Variants in ENTREP2 observed in about 807,000 individuals in gnomAD.
ENTREP2 encodes protein ENTREP2.
At chr15:29,476,373 A>C in the ENTREP2 span, among the ~76,000 whole-genome samples, 1 of 152,362 alleles carries the variant, frequency 6.6e-6, no homozygotes, top group South Asian at 2.1e-4. Context: ...GGAAGCCATT[A>C]GCTGACCCTT....
At chr15:29,647,936 G>A in the ENTREP2 span, among the ~76,000 whole-genome samples, 1 of 152,168 alleles carries the variant, frequency 6.6e-6, no homozygotes, top group Non-Finnish European at 1.5e-5. Flanking sequence ...AAACTTAAGA[G>A]GTATGAAAAG....
the ENTREP2 span, among the ~76,000 whole-genome samples, chr15:29,608,871 C>T: frequency 2.1e-3 from 320 of 152,190 alleles, no homozygotes; most frequent in Non-Finnish European, 3.3e-3. Context: ...CTGGCCTCCT[C>T]CTGCCTTCTT....
At chr15:29,510,209 A>G in the ENTREP2 span, among the ~76,000 whole-genome samples, 1 of 152,232 alleles carries the variant, frequency 6.6e-6, no homozygotes, top group Non-Finnish European at 1.5e-5. Context: ...ATGCCATCTC[A>G]TGCCAGTTAG....
At chr15:29,433,398 C>A in the ENTREP2 span, among the ~76,000 whole-genome samples, 1 of 152,150 alleles carries the variant, frequency 6.6e-6, no homozygotes, top group Admixed American at 6.5e-5. Flanking sequence ...ATTCCCTTTA[C>A]CCTTAGAAAC....
At chr15:29,362,523 C>T in the ENTREP2 span, among the ~76,000 whole-genome samples, 3 of 151,894 alleles carry the variant, frequency 2.0e-5, no homozygotes, top group South Asian at 6.2e-4. Context: ...TAGAGGCACA[C>T]GCCGCCACAC....
the ENTREP2 span, among the ~76,000 whole-genome samples, chr15:29,204,888 T>C: frequency 6.6e-6 from 1 of 152,158 alleles, no homozygotes; most frequent in Non-Finnish European, 1.5e-5. Context: ...ATTAAACATA[T>C]TCACCTCGTT....
the ENTREP2 span, among the ~76,000 whole-genome samples, chr15:29,129,148 C>A: frequency 2.0e-5 from 3 of 152,206 alleles, no homozygotes; most frequent in Admixed American, 2.0e-4. Flanking sequence ...ACTGCAACAT[C>A]CGCTGCCCGG....
chr15:29,614,746 G>T, the ENTREP2 span, among the ~76,000 whole-genome samples: 1 of 152,328 alleles, frequency 6.6e-6, no homozygotes, highest in South Asian at 2.1e-4. Flanking sequence ...TGGGAAGGTA[G>T]AAGGTGGCAG....
chr15:29,343,880 G>A, the ENTREP2 span, among the ~76,000 whole-genome samples: 54 of 152,048 alleles, frequency 3.6e-4, no homozygotes, highest in Admixed American at 3.5e-3. Flanking sequence ...AAGCAATAAA[G>A]GTTATTTGTT....
the ENTREP2 span, among the ~76,000 whole-genome samples, chr15:29,611,871 C>T: frequency 1.3e-5 from 2 of 152,298 alleles, no homozygotes; most frequent in East Asian, 3.9e-4. Context: ...TATTTCGTTG[C>T]CTTTAAACCA....
chr15:29,241,643 T>C, the ENTREP2 span, among the ~76,000 whole-genome samples: 1 of 152,240 alleles, frequency 6.6e-6, no homozygotes, highest in Non-Finnish European at 1.5e-5. Flanking sequence ...TAATGCATTA[T>C]ATTACATTAA....
the ENTREP2 span, among the ~76,000 whole-genome samples, chr15:29,156,593 G>A: frequency 6.6e-6 from 1 of 152,280 alleles, no homozygotes; most frequent in South Asian, 2.1e-4. Context: ...ACTGGACACA[G>A]GGCAGTGACC....
chr15:29,371,206 A>G, the ENTREP2 span, among the ~76,000 whole-genome samples: 3 of 152,114 alleles, frequency 2.0e-5, no homozygotes, highest in Non-Finnish European at 4.4e-5. Flanking sequence ...TTCATCCCCC[A>G]GGAAGACTAA....
the ENTREP2 span, among the ~76,000 whole-genome samples, chr15:29,440,673 G>GGAT: frequency 2.0e-5 from 3 of 152,146 alleles, no homozygotes; most frequent in East Asian, 5.8e-4. Context: ...TCTCACCACA[G>GGAT]GGTCGGCTGG....
At chr15:29,657,231 T>C in the ENTREP2 span, among the ~76,000 whole-genome samples, 1 of 151,786 alleles carries the variant, frequency 6.6e-6, no homozygotes, top group Non-Finnish European at 1.5e-5. Context: ...TTTTTTCTTT[T>C]TGCATTTTTA....
the ENTREP2 span, among the ~76,000 whole-genome samples, chr15:29,604,158 A>C: frequency 7.1e-6 from 1 of 140,762 alleles, no homozygotes; most frequent in African/African-American, 3.3e-5. Context: ...GGAATTTCAC[A>C]AAACGAAGAA....
the ENTREP2 span, among the ~76,000 whole-genome samples, chr15:29,166,302 C>T: frequency 5.9e-5 from 9 of 152,084 alleles, 1 homozygote. Flanking sequence ...CTTCAACATA[C>T]TACTGAAGTC....
At chr15:29,239,295 C>T in the ENTREP2 span, among the ~76,000 whole-genome samples, 1 of 152,166 alleles carries the variant, frequency 6.6e-6, no homozygotes, top group African/African-American at 2.4e-5. Flanking sequence ...AAGTCCTTTG[C>T]TAATTACTTT....
the ENTREP2 span, among the ~76,000 whole-genome samples, chr15:29,531,972 G>C: frequency 6.6e-6 from 1 of 152,170 alleles, no homozygotes; most frequent in East Asian, 1.9e-4. Flanking sequence ...AGCTTGAAAG[G>C]CTAAACTGAG....
Sources: allele counts gnomAD v4.1 joint callset (sites outside exome capture counted in the v4.1 genomes callset), GRCh38; gene constraint gnomAD v4.1.1; transcripts MANE v1.5; gene names NCBI Gene and HGNC (gene_info 2026-07-23, HGNC 2026-07-21).